ADCY9: variants seen among roughly 807,000 people sequenced by gnomAD.
The protein encoded by ADCY9 is adenylate cyclase type 9.
A neutral mutation model predicts 101.5 loss-of-function variants in ADCY9; 50 were observed. That is an observed-to-expected ratio of 0.49 (90% CI 0.39 to 0.62). The LOEUF is 0.62. Among genes scored for constraint, ADCY9 ranks in the 20% least tolerant of loss-of-function variants. The probability of loss-of-function intolerance (pLI) is 0.00; values close to 1 mark genes in which losing one functional copy is unlikely to be tolerated. For missense variants in ADCY9, 1,662 were observed against 1,800.4 expected (o/e 0.92, Z 1.39); for synonymous variants, 905 against 769.3 (o/e 1.18, Z -2.92).
intron 2 of ADCY9, among the ~76,000 whole-genome samples, chr16:4,091,486 T>C (rs569754010): frequency 3.7e-4 from 56 of 152,276 alleles, no homozygotes; most frequent in African/African-American, 1.3e-3. Flanking sequence ...AGAAAACAGA[T>C]ACTCAAACAA....
rs576483205 is a variant in ADCY9 at position 4,114,520 on chromosome 16, C to T, written c.923G>A (p.Ser308Asn). 2 of 1,614,182 alleles carry T rather than the reference C, an allele frequency of 1.2e-6. No individual in the cohort carries two copies. The highest frequency in any genetic ancestry group is 2.7e-5 in the African/African-American group (2 of 75,044). ...GGATTGCCCCACCTTGAGGAAGGTG[C>T]TCCTGGACCTCACCTGGGACATGAC... The part of the protein sequence containing the change: ...LFVMSQVRSR[S>N]TFLKVGQSIM... Residue 308 changes from serine to asparagine, a missense_variant, in exon 2 of 11, where the codon AGC becomes AAC. Ser to Asn is a conservative substitution (Grantham distance 46). Transcript: ENST00000294016. This position sits in a 1 kb window ranked among gnomAD's most constrained non-coding sequence, Gnocchi z 4.3.
intron 2 of ADCY9, among the ~76,000 whole-genome samples, chr16:4,063,711 C>CAAA (rs372170652): frequency 3.0e-4 from 39 of 129,720 alleles, no homozygotes; most frequent in Non-Finnish European, 5.5e-4. Context: ...GATCATGTCT[C>CAAA]AAAAAAAAAA....
At chr16:3,988,453 G>GTTCCCTTCCAGGGCAGGTGTGCGGGA (rs2056214046) in intron 6 of ADCY9, among the ~76,000 whole-genome samples, 1 of 92,684 alleles carries the variant, frequency 1.1e-5, no homozygotes, top group Admixed American at 1.2e-4. Flanking sequence ...CAGGTGGGGG[G>GTTCCCTTCCAGGGCAGGTGTGCGGGA]TTCCCTTCCA....
intron 5 of ADCY9, among the ~76,000 whole-genome samples, chr16:3,955,559 T>C (rs756822590): frequency 2.0e-5 from 3 of 152,152 alleles, no homozygotes; most frequent in Non-Finnish European, 4.4e-5. Flanking sequence ...TGTTTGTTTG[T>C]TTTAGACGGA....
At position 3,993,704 on chromosome 16, in the gene ADCY9, C is replaced by T. The variant is rs767797518; in HGVS notation, c.1885-194G>A. Reference sequence around the variant, plus strand: ...GTGGAAACACACAGAAACCCGGGCACGAACGCAACAGGACCCAAAAATGGA... The same window carrying T: ...GTGGAAACACACAGAAACCCGGGCATGAACGCAACAGGACCCAAAAATGGA... On this transcript the variant is annotated intron_variant, in intron 3 of 10. Transcript: ENST00000294016. Among the ~76,000 whole-genome samples, 5 of 152,196 alleles carry T rather than the reference C, an allele frequency of 3.3e-5. 1 individual carries two copies. The highest frequency in any genetic ancestry group is 6.8e-3 in the Middle Eastern group (2 of 294).
At chr16:4,080,949 GT>G (rs1167879961) in intron 2 of ADCY9, among the ~76,000 whole-genome samples, 1 of 151,978 alleles carries the variant, frequency 6.6e-6, no homozygotes, top group Admixed American at 6.6e-5. Context: ...GCTTTTTTCT[GT>G]TTTCTGGTTA....
Position 4,114,961 on chromosome 16 carries a change from A to C in ADCY9, c.482T>G (p.Leu161Arg). The change falls in exon 2 of 11, where the codon CTG (leucine) becomes CGG (arginine). Residue 161 changes from leucine (L) to arginine (R), a missense_variant. This residue lies in a region of ADCY9 where 422 missense variants were observed against 392.0 expected (regional missense o/e 1.08). Coordinates refer to ENST00000294016, the MANE Select transcript of ADCY9 (RefSeq NM_001116.4). The surrounding 1 kb of genome is among the most constrained non-coding windows in gnomAD (Gnocchi z 4.3). The stretch of plus-strand genomic sequence containing the variant: ...GGCGTACAGCTTGGTGAAGGTAAAC[A>C]GAAAGAAGCCCACACACACCAGGAG... ...CFLLVCVGFF[L>R]FTFTKLYARH... 1 of 1,614,022 alleles carries C rather than the reference A, an allele frequency of 6.2e-7. No individual in the cohort carries two copies. Among genetic ancestry groups the C allele is most frequent in the Non-Finnish European group, 8.5e-7 (1 of 1,180,032 alleles).
At position 4,007,411 on chromosome 16, in the gene ADCY9, A is replaced by G; in HGVS notation, c.1841T>C (p.Val614Ala). The G allele has an allele frequency of 1.2e-6, 2 of 1,606,712 alleles. No individual in the cohort carries two copies. Among genetic ancestry groups the G allele is most frequent in the African/African-American group, 1.3e-5 (1 of 74,456 alleles). ...RGQGTASSGN[V>A]SDLAQTVKTF... The stretch of plus-strand genomic sequence containing the variant: ...TTTGACAGTCTGCGCCAAGTCACTG[A>G]CATTCCCTGATGACGCTGTCCCCTG... The change falls in exon 3 of 11, where the codon GTC becomes GCC. Residue 614 changes from valine to alanine, a missense_variant. Around this residue, in one of 5 missense-constraint regions of ADCY9, gnomAD observed 624 missense variants for 639.1 expected, o/e 0.98. Transcript: ENST00000294016.
At chr16:3,986,244 A>G (rs1321387714) in intron 6 of ADCY9, among the ~76,000 whole-genome samples, 2 of 152,166 alleles carry the variant, frequency 1.3e-5, no homozygotes, top group African/African-American at 4.8e-5. Flanking sequence ...TCGGCTAAGA[A>G]CGCACCCACG....
At position 3,966,332 on chromosome 16, in the gene ADCY9, G is replaced by T; in HGVS notation, c.3505C>A (p.His1169Asn). Residue 1169 changes from histidine to asparagine, a missense_variant, in exon 11 of 11, where the codon CAT becomes AAT. By Grantham distance (68) the His-to-Asn change is moderately conservative. This residue lies in a region of ADCY9 where 220 missense variants were observed against 312.9 expected (regional missense o/e 0.70). Coordinates refer to ENST00000294016, the MANE Select transcript of ADCY9 (RefSeq NM_001116.4). ...FNFKLRVGFN[H>N]GPLTAGVIGT... ...ATGACCCCGGCCGTGAGGGGCCCATGGTTGAAGCCGACGCGGAGCTTGAAG... is the reference window on the plus strand; with the variant it reads ...ATGACCCCGGCCGTGAGGGGCCCATTGTTGAAGCCGACGCGGAGCTTGAAG... The T allele has an allele frequency of 6.2e-7, 1 of 1,614,120 alleles. No homozygotes were observed.
downstream of ADCY9, among the ~76,000 whole-genome samples, chr16:3,958,673 C>CTTCTTT (rs2055921123): frequency 9.7e-6 from 1 of 102,998 alleles, no homozygotes; most frequent in Non-Finnish European, 1.8e-5. Flanking sequence ...TCGTCGGTTA[C>CTTCTTT]TTTTTTTTTT....
chr16:4,033,888 GTAAA>G (rs1336365425), intron 2 of ADCY9, among the ~76,000 whole-genome samples: 1 of 152,176 alleles, frequency 6.6e-6, no homozygotes, highest in Non-Finnish European at 1.5e-5. Flanking sequence ...GATTAAATGA[GTAAA>G]TACTCTAAAG....
At chr16:4,105,990 G>A (rs897934701) in intron 2 of ADCY9, among the ~76,000 whole-genome samples, 1 of 152,136 alleles carries the variant, frequency 6.6e-6, no homozygotes, top group South Asian at 2.1e-4. Context: ...TCACACTACT[G>A]CCACCACTAC....
chr16:4,080,781 G>C (rs886474193), intron 2 of ADCY9, among the ~76,000 whole-genome samples: 3 of 150,242 alleles, frequency 2.0e-5, no homozygotes, highest in Admixed American at 6.7e-5. Context: ...GGCAACCAAG[G>C]TCCCGTAGAG....
chr16:4,016,877 A>C (rs1037381846), intron 2 of ADCY9, among the ~76,000 whole-genome samples: 1 of 152,230 alleles, frequency 6.6e-6, no homozygotes, highest in Non-Finnish European at 1.5e-5. Flanking sequence ...GGGGTGACGA[A>C]AATGTAAAAT....
intron 2 of ADCY9, among the ~76,000 whole-genome samples, chr16:4,102,791 G>C (rs989122844): frequency 6.6e-6 from 1 of 151,294 alleles, no homozygotes; most frequent in Admixed American, 6.6e-5. Context: ...GTGCCATCTC[G>C]GCTCACTGCA....
chr16:4,035,123 C>G (rs1183409741), intron 2 of ADCY9, among the ~76,000 whole-genome samples: 3 of 152,324 alleles, frequency 2.0e-5, no homozygotes, highest in African/African-American at 7.2e-5. Context: ...TTTCAAGTCC[C>G]TGATGGTGGC....
At chr16:4,109,241 T>C (rs1434187040) in intron 2 of ADCY9, among the ~76,000 whole-genome samples, 1 of 152,102 alleles carries the variant, frequency 6.6e-6, no homozygotes, top group African/African-American at 2.4e-5. Flanking sequence ...CTGGTTTTTG[T>C]TTCTTAGAGA....
At chr16:4,089,722 G>A (rs912217409) in intron 2 of ADCY9, among the ~76,000 whole-genome samples, 2 of 151,898 alleles carry the variant, frequency 1.3e-5, no homozygotes, top group South Asian at 2.1e-4. Context: ...GGAGGCTCCC[G>A]AGACAAGACC....
Sources: allele counts gnomAD v4.1 joint callset (sites outside exome capture counted in the v4.1 genomes callset), GRCh38; gene constraint gnomAD v4.1.1; regional missense constraint gnomAD v4.1.1; non-coding constraint Gnocchi (gnomAD v3.1); transcripts MANE v1.5; gene names NCBI Gene and HGNC (gene_info 2026-07-23, HGNC 2026-07-21).